Variants in EPM2A observed in about 807,000 individuals in gnomAD.
The protein encoded by EPM2A is laforin.
In EPM2A, 21 loss-of-function variants were observed where a neutral mutation model predicts 26.5. That is an observed-to-expected ratio of 0.79 (90% CI 0.56 to 1.14). The LOEUF (loss-of-function observed/expected upper bound fraction) is 1.14, where lower values mean the gene tolerates loss of function less well. Among genes scored for constraint, EPM2A ranks in the 50% most tolerant of loss-of-function variants. The pLI, the probability that EPM2A is intolerant of heterozygous loss-of-function variation, is 0.00. For missense variants in EPM2A, 458 were observed against 440.8 expected, an observed-to-expected ratio of 1.04 and a Z score of -0.35; for synonymous variants, 217 against 177.6, an observed-to-expected ratio of 1.22 and a Z score of -1.76.
At chr6:145,440,256 AT>A (rs1467317537) in intron 4 of EPM2A, among the ~76,000 whole-genome samples, 1 of 152,222 alleles carries the variant, frequency 6.6e-6, no homozygotes, top group Non-Finnish European at 1.5e-5. Flanking sequence ...GTTTCCCCTT[AT>A]AAAACCATCA....
chr6:145,500,374 G>A (rs1204698016), downstream of EPM2A, among the ~76,000 whole-genome samples: 2 of 152,170 alleles, frequency 1.3e-5, no homozygotes, highest in Admixed American at 6.5e-5. Context: ...CTGCAAAAAG[G>A]AAACTACTTG....
intron 1 of EPM2A, chr6:145,734,557 C>T (rs891644444): frequency 4.6e-5 from 7 of 152,012 alleles, no homozygotes; most frequent in African/African-American, 1.7e-4. Context: ...AAAAAAAAAT[C>T]CAAAAAGGGA....
intron 2 of EPM2A, among the ~76,000 whole-genome samples, chr6:145,559,672 CT>C (rs201917957): frequency 0.16 from 21,888 of 138,578 alleles, 2,380 homozygotes; most frequent in African/African-American, 0.3. Flanking sequence ...ATACTTTCTC[CT>C]TTTTTTTTTT....
Position 145,678,711 on chromosome 6 carries a change from C to T in EPM2A, c.476+7411G>A, listed in dbSNP as rs146596504. Among the ~76,000 whole-genome samples the T allele has an allele frequency of 5.2e-3, 786 of 152,250 alleles. 4 individuals carry two copies. The highest frequency in any genetic ancestry group is 0.018 in the African/African-American group (754 of 41,524). The stretch of plus-strand genomic sequence containing the variant: ...AAAACCACAATGAGATACCATCTCA[C>T]GCCAGTTAGAATAGTGATCATTAAA... On this transcript the variant is annotated intron_variant, in intron 2 of 3. Coordinates refer to ENST00000367519, the MANE Select transcript of EPM2A (RefSeq NM_005670.4).
chr6:145,521,084 G>A (rs1780195884), intron 2 of EPM2A, among the ~76,000 whole-genome samples: 1 of 152,168 alleles, frequency 6.6e-6, no homozygotes, highest in Non-Finnish European at 1.5e-5. Context: ...TAGGCAAGAG[G>A]TTGGGAGATC....
At chr6:145,392,397 C>T (rs1265706116) in intron 4 of EPM2A, among the ~76,000 whole-genome samples, 3 of 152,134 alleles carry the variant, frequency 2.0e-5, no homozygotes, top group Non-Finnish European at 2.9e-5. Flanking sequence ...AACCTTGAGA[C>T]AGAGGAAGAT....
intron 2 of EPM2A, among the ~76,000 whole-genome samples, chr6:145,582,032 G>A (rs1334382813): frequency 6.6e-6 from 1 of 152,056 alleles, no homozygotes; most frequent in Non-Finnish European, 1.5e-5. Context: ...TGTGATGTTA[G>A]GTTGTGAATT....
chr6:145,462,680 G>A (rs1411878297), intron 4 of EPM2A, among the ~76,000 whole-genome samples: 1 of 152,150 alleles, frequency 6.6e-6, no homozygotes, highest in Non-Finnish European at 1.5e-5. Flanking sequence ...GTAAGTCTGT[G>A]TGTCCAAAAG....
chr6:145,396,895 TA>T (rs1304798764), intron 4 of EPM2A, among the ~76,000 whole-genome samples: 2 of 152,156 alleles, frequency 1.3e-5, no homozygotes, highest in African/African-American at 4.8e-5. Context: ...ACATCACAGA[TA>T]GGGGAGCTCA....
intron 4 of EPM2A, among the ~76,000 whole-genome samples, chr6:145,411,148 AC>A (rs1778637690): frequency 1.3e-5 from 2 of 152,206 alleles, no homozygotes; most frequent in Admixed American, 1.3e-4. Flanking sequence ...AGAAGCAGAT[AC>A]TATCTATGCA....
chr6:145,617,455 C>G (rs368759739), intron 2 of EPM2A, among the ~76,000 whole-genome samples: 3 of 152,144 alleles, frequency 2.0e-5, no homozygotes, highest in African/African-American at 7.2e-5. Flanking sequence ...GGATGTTACT[C>G]TGCTTTAATA....
chr6:145,556,468 T>A (rs1048373688), intron 2 of EPM2A, among the ~76,000 whole-genome samples: 12 of 152,142 alleles, frequency 7.9e-5, no homozygotes, highest in Admixed American at 6.6e-4. Context: ...ACCATCACTT[T>A]AAGGTTAATA....
chr6:145,420,859 G>A (rs962071215), intron 4 of EPM2A, among the ~76,000 whole-genome samples: 1 of 152,062 alleles, frequency 6.6e-6, no homozygotes, highest in African/African-American at 2.4e-5. Flanking sequence ...GATAGAAAGA[G>A]AGAGAGAGAG....
At chr6:145,557,386 C>A (rs1780741549) in intron 2 of EPM2A, among the ~76,000 whole-genome samples, 1 of 151,738 alleles carries the variant, frequency 6.6e-6, no homozygotes, top group African/African-American at 2.4e-5. Flanking sequence ...TCTTGTACCC[C>A]CTAAATCCAT....
intron 4 of EPM2A, among the ~76,000 whole-genome samples, chr6:145,437,389 A>C (rs1779003303): frequency 6.6e-6 from 1 of 152,222 alleles, no homozygotes; most frequent in African/African-American, 2.4e-5. Flanking sequence ...GGTCTCAGGT[A>C]GTTGTTTATA....
chr6:145,652,403 G>T (rs1777946829), intron 2 of EPM2A, among the ~76,000 whole-genome samples: 1 of 151,958 alleles, frequency 6.6e-6, no homozygotes, highest in Non-Finnish European at 1.5e-5. Flanking sequence ...CAAGTAATTT[G>T]GGTTATCCTT....
At chr6:145,556,661 C>T (rs964755006) in intron 2 of EPM2A, among the ~76,000 whole-genome samples, 1 of 152,064 alleles carries the variant, frequency 6.6e-6, no homozygotes, top group Admixed American at 6.6e-5. Context: ...CTTTGAGAAG[C>T]AGACCACCTT....
At chr6:145,598,747 A>G (rs1266688237) in intron 2 of EPM2A, among the ~76,000 whole-genome samples, 1 of 152,090 alleles carries the variant, frequency 6.6e-6, no homozygotes, top group Non-Finnish European at 1.5e-5. Flanking sequence ...GGCTTTTACA[A>G]TTAAGTCTTT....
intron 2 of EPM2A, among the ~76,000 whole-genome samples, chr6:145,668,020 G>C (rs1468913491): frequency 2.3e-5 from 3 of 127,886 alleles, no homozygotes; most frequent in Admixed American, 8.1e-5. Flanking sequence ...GTGGTGGGGT[G>C]GGGGGAGGGG....
Sources: allele counts gnomAD v4.1 joint callset (sites outside exome capture counted in the v4.1 genomes callset), GRCh38; gene constraint gnomAD v4.1.1; transcripts MANE v1.5; gene names NCBI Gene and HGNC (gene_info 2026-07-23, HGNC 2026-07-21).